Variants in GRAP2 observed in about 807,000 individuals in gnomAD.
GRAP2 encodes GRB2 related adaptor protein 2, also known as GRB2-related adapter protein 2.
In GRAP2, 31 loss-of-function variants were observed where a neutral mutation model predicts 43.5. The ratio of observed to expected loss-of-function variants is 0.71; its 90% CI spans 0.54 to 0.96. The LOEUF (loss-of-function observed/expected upper bound fraction) is 0.96. Ranked by LOEUF, GRAP2 falls within the 40% of genes least tolerant of loss-of-function variation. The pLI is 0.00. For missense variants in GRAP2, 371 were observed against 424.4 expected (o/e 0.87, Z 1.11); for synonymous variants, 156 against 164.8 (o/e 0.95, Z 0.41).
At chr22:39,960,273 C>T in intron 4 of GRAP2, 99 bp downstream of exon 4, 1 of 1,198,282 alleles carries the variant, frequency 8.3e-7, no homozygotes, top group Non-Finnish European at 1.2e-6. Context: ...ACCCAATGGT[C>T]AGAAGCATGG....
rs2066593411 is a variant in GRAP2 at position 39,915,071 on chromosome 22, C to G, written c.-15+13741C>G. ...GGATGTGGTGGTGGGTGCCTGTAAT[C>G]CCAGCTACTCAGGAGGCCGAGGTGG... On this transcript the variant is annotated intron_variant, in intron 1 of 7. Transcript: ENST00000344138. Among the ~76,000 whole-genome samples the G allele has an allele frequency of 2.0e-5, 3 of 151,328 alleles. No homozygotes were observed. In the South Asian group the frequency reaches 6.3e-4, roughly 32 times the overall value.
intron 1 of GRAP2, chr22:39,926,774 G>C (rs1196952794): frequency 1.0e-6 from 1 of 985,036 alleles, no homozygotes; most frequent in African/African-American, 1.7e-5. Context: ...GCCTGATAGA[G>C]AGACAGCAGG....
At chr22:39,903,475 CTTT>C (rs773691306) in intron 1 of GRAP2, among the ~76,000 whole-genome samples, 7 of 112,020 alleles carry the variant, frequency 6.2e-5, no homozygotes, top group Non-Finnish European at 7.2e-5. Context: ...CCTCATGAGT[CTTT>C]TTTTTTTTTT....
Position 39,915,270 on chromosome 22 carries a change from C to T in GRAP2, c.-15+13940C>T, listed in dbSNP as rs2066595201. 3.3e-5 allele frequency among the ~76,000 whole-genome samples: 5 copies of T among 151,544 alleles called. No homozygotes were observed. The South Asian group carries it at 1.0e-3, about 32-fold the overall frequency. On this transcript the variant is annotated intron_variant, in intron 1 of 7. Coordinates refer to ENST00000344138, the MANE Select transcript of GRAP2 (RefSeq NM_004810.4). Reference sequence around the variant, plus strand: ...TTCTATCCCCATGTTCTGAAAGCCACCCTTTTTTATTTTTGAGTTGTGTTT... The same window carrying T: ...TTCTATCCCCATGTTCTGAAAGCCATCCTTTTTTATTTTTGAGTTGTGTTT...
chr22:39,897,805 C>T (rs890181757), upstream of GRAP2, among the ~76,000 whole-genome samples: 1 of 152,090 alleles, frequency 6.6e-6, no homozygotes, highest in Non-Finnish European at 1.5e-5. Flanking sequence ...AGGCATGAGC[C>T]AACCATGCCT....
chr22:39,939,359 G>A (rs1043375895), intron 1 of GRAP2, among the ~76,000 whole-genome samples: 1 of 151,996 alleles, frequency 6.6e-6, no homozygotes, highest in South Asian at 2.1e-4. Flanking sequence ...TCAGGAGATC[G>A]AGACCATCCT....
intron 1 of GRAP2, among the ~76,000 whole-genome samples, chr22:39,940,408 C>T (rs1352237867): frequency 6.7e-6 from 1 of 148,694 alleles, no homozygotes; most frequent in Admixed American, 6.7e-5. Context: ...TTCACTTTCC[C>T]ACTTTATTTT....
At chr22:39,919,952 G>A (rs765175232) in intron 1 of GRAP2, among the ~76,000 whole-genome samples, 1 of 152,162 alleles carries the variant, frequency 6.6e-6, no homozygotes, top group Non-Finnish European at 1.5e-5. Context: ...GGAAACTGAG[G>A]CCAGAGAGAT....
chr22:39,930,275 C>T (rs930648151), intron 1 of GRAP2, among the ~76,000 whole-genome samples: 19 of 152,204 alleles, frequency 1.2e-4, no homozygotes, highest in African/African-American at 4.6e-4. Flanking sequence ...TCATAATTCA[C>T]AGTGATTCCC....
upstream of GRAP2, among the ~76,000 whole-genome samples, chr22:39,897,716 T>G (rs1191989733): frequency 6.6e-6 from 1 of 151,752 alleles, no homozygotes; most frequent in Non-Finnish European, 1.5e-5. Flanking sequence ...ATTGGGTTTC[T>G]CCATGTTGAT....
intron 6 of GRAP2, 117 bp downstream of exon 6, chr22:39,968,389 C>A: frequency 2.4e-6 from 3 of 1,234,204 alleles, no homozygotes; most frequent in Admixed American, 2.3e-5. Context: ...CCTGGACCCC[C>A]CCAAATGGCA....
At chr22:39,937,259 C>A (rs975652133) in intron 1 of GRAP2, among the ~76,000 whole-genome samples, 2 of 152,164 alleles carry the variant, frequency 1.3e-5, no homozygotes, top group Non-Finnish European at 2.9e-5. Flanking sequence ...TGGTGTGTGT[C>A]CCCTCAAAGG....
At chr22:39,901,401 C>A in intron 1 of GRAP2, 71 bp downstream of exon 1, 1 of 511,018 alleles carries the variant, frequency 2.0e-6, no homozygotes, top group South Asian at 1.6e-5. Context: ...GCAGAATGTT[C>A]TGTATGAGTT....
intron 1 of GRAP2, among the ~76,000 whole-genome samples, chr22:39,913,277 G>A (rs887403680): frequency 9.2e-5 from 14 of 152,136 alleles, no homozygotes; most frequent in Admixed American, 3.3e-4. Flanking sequence ...GGAAGGAGGT[G>A]TGGGAGAAAT....
At chr22:39,916,399 A>G (rs1179943677) in intron 1 of GRAP2, among the ~76,000 whole-genome samples, 1 of 152,252 alleles carries the variant, frequency 6.6e-6, no homozygotes, top group Admixed American at 6.5e-5. Flanking sequence ...TACCTGAGCA[A>G]CTGTAGGACC....
At chr22:39,927,730 G>A (rs373586789) in intron 1 of GRAP2, among the ~76,000 whole-genome samples, 4 of 151,912 alleles carry the variant, frequency 2.6e-5, no homozygotes, top group Admixed American at 1.3e-4. Flanking sequence ...AGTTCATTTC[G>A]GCTCTTTTCC....
Position 39,973,377 on chromosome 22 carries a change from A to G in GRAP2, c.*2293A>G, listed in dbSNP as rs958140407. On this transcript the variant is annotated 3_prime_UTR_variant, in exon 8 of 8. Coordinates refer to ENST00000344138, the MANE Select transcript of GRAP2 (RefSeq NM_004810.4). ...CTGGTGTCTGCGTTGCATACCCCTC[A>G]GGTAGAGAGTGAGAACGAGACCAGG... 3.3e-5 allele frequency: 5 copies of G among 152,196 alleles called. No homozygotes were observed. The highest frequency in any genetic ancestry group is 1.2e-4 in the African/African-American group (5 of 41,438). 9.4% of individuals were successfully genotyped at this position (152,196 alleles called of 1,614,324 possible). A position where few individuals can be genotyped will look rare whatever the true frequency, so the allele number is the denominator to read the frequency against.
At chr22:39,928,404 T>C (rs2066725779) in intron 1 of GRAP2, among the ~76,000 whole-genome samples, 1 of 152,262 alleles carries the variant, frequency 6.6e-6, no homozygotes, top group Non-Finnish European at 1.5e-5. Context: ...GTTGGCTTAA[T>C]ATTCTCTCGT....
At chr22:39,929,338 T>A (rs2066734423) in intron 1 of GRAP2, among the ~76,000 whole-genome samples, 1 of 152,204 alleles carries the variant, frequency 6.6e-6, no homozygotes, top group South Asian at 2.1e-4. Flanking sequence ...TCATCTTGGC[T>A]TATGTCCCTG....
Sources: gnomAD v4.1 joint callset for allele counts (sites outside exome capture counted in the v4.1 genomes callset) on GRCh38, gnomAD v4.1.1 for gene constraint, MANE v1.5 for transcripts, NCBI Gene and HGNC (gene_info 2026-07-23, HGNC 2026-07-21) for gene names.